CAPRIN2: variants seen among roughly 807,000 people sequenced by gnomAD.
CAPRIN2 encodes caprin family member 2.
CAPRIN2 carries 66 observed loss-of-function variants against 130.4 expected under a neutral mutation model. That is an observed-to-expected ratio of 0.51 (90% confidence interval 0.42 to 0.62). The LOEUF (loss-of-function observed/expected upper bound fraction) is 0.62. Among genes scored for constraint, CAPRIN2 ranks in the 20% least tolerant of loss-of-function variants. CAPRIN2 has a pLI of 0.00. For synonymous variants in CAPRIN2, 471 were observed against 444.1 expected (o/e 1.06, Z -0.76); for missense variants, 1,185 against 1,246.6 (o/e 0.95, Z 0.74).
chr12:30,709,888 T>G, exon 17 of CAPRIN2: 1 of 1,594,554 alleles, frequency 6.3e-7, no homozygotes, highest in East Asian at 2.2e-5. Context: ...TTATTGTCAA[T>G]ACTGTACTGA....
exon 17 of CAPRIN2, chr12:30,709,674 C>CA: frequency 2.1e-6 from 1 of 484,428 alleles, no homozygotes; most frequent in South Asian, 3.2e-5. Context: ...TATACATTCA[C>CA]AGCTTGACTA....
exon 17 of CAPRIN2, chr12:30,709,834 A>G (rs1413491435): frequency 1.6e-5 from 24 of 1,510,642 alleles, no homozygotes; most frequent in Non-Finnish European, 8.9e-7. Flanking sequence ...CATGAGGGCA[A>G]AGACTACTTT....
At chr12:30,731,481 ATTT>A in exon 6 of CAPRIN2, 1 of 1,613,002 alleles carries the variant, frequency 6.2e-7, no homozygotes, top group Non-Finnish European at 8.5e-7. Context: ...GAGTTCAGCA[ATTT>A]AGACAGTAGA....
rs367808785 is a variant in CAPRIN2, at chr12:30,724,367, T to C, written c.1987+3A>G. 9 of 1,594,834 alleles carry C rather than the reference T, an allele frequency of 5.6e-6. No homozygotes were observed. The African/African-American group carries it at 1.2e-4, about 21-fold the overall frequency. ...GCTCCAAGTCTTTAGAATGATTACA[T>C]ACCTACGGGGCTACCTGGAGTAGCT... On this transcript the variant is annotated splice_donor_region_variant and intron_variant, in intron 10 of 16. Coordinates refer to ENST00000298892, the Ensembl canonical transcript of CAPRIN2.
At chr12:30,720,972 T>C in intron 11 of CAPRIN2, 57 bp from the exon 13 acceptor site, 1 of 1,242,820 alleles carries the variant, frequency 8.0e-7, no homozygotes, top group Non-Finnish European at 1.2e-6. Context: ...ACTTTATATT[T>C]CTTGGGCCCT....
At chr12:30,731,655 A>G (rs1255402278) in intron 5 of CAPRIN2, 145 bp from the exon 7 acceptor site, 2 of 642,022 alleles carry the variant, frequency 3.1e-6, no homozygotes, top group Admixed American at 3.2e-5. Flanking sequence ...ATAGTTTACA[A>G]CAGTTTACAC....
At chr12:30,740,890 C>G in intron 3 of CAPRIN2, 130 bp downstream of exon 4, 1 of 608,954 alleles carries the variant, frequency 1.6e-6, no homozygotes, top group Non-Finnish European at 2.9e-6. Flanking sequence ...AACCTTCCAT[C>G]ACGATAAAAT....
Position 30,729,182 on chromosome 12 carries a change from T to G in CAPRIN2, c.1248A>C (p.Lys416Asn), listed in dbSNP as rs146064181. The G allele has an allele frequency of 3.3e-5, 54 of 1,613,952 alleles. No individual in the cohort carries two copies. The highest frequency in any genetic ancestry group is 4.3e-5 in the Non-Finnish European group (51 of 1,179,990). ...CCTCCCAGGACTTAAAGGACTCCTG[T>G]TTCTTCTCTTGACCATCTGGTTCAG... The change falls in exon 8 of 17, where the codon AAA becomes AAC. Residue 416 changes from lysine (K) to asparagine (N), a missense_variant. Coordinates refer to ENST00000298892, the Ensembl canonical transcript of CAPRIN2.
chr12:30,715,560 G>A (rs900073045), intron 13 of CAPRIN2: 22 of 398,752 alleles, frequency 5.5e-5, no homozygotes, highest in Non-Finnish European at 8.8e-5. Context: ...TTTCAGTTGG[G>A]GGGAGATGAA....
intron 2 of CAPRIN2, among the ~76,000 whole-genome samples, chr12:30,746,322 T>C (rs1360503687): frequency 2.6e-5 from 4 of 152,188 alleles, no homozygotes; most frequent in East Asian, 3.9e-4. Context: ...AGCCCAAGAG[T>C]TCAAGGCTAC....
intron 16 of CAPRIN2, 132 bp downstream of exon 18, chr12:30,711,434 T>C: frequency 1.4e-6 from 1 of 714,232 alleles, no homozygotes. Flanking sequence ...TAGTACTACA[T>C]TCAAGCAAAT....
chr12:30,711,201 T>C (rs2054381539), intron 16 of CAPRIN2, among the ~76,000 whole-genome samples: 1 of 152,208 alleles, frequency 6.6e-6, no homozygotes, highest in Non-Finnish European at 1.5e-5. Flanking sequence ...TGTGCTTATT[T>C]GAATCTATTA....
intron 3 of CAPRIN2, among the ~76,000 whole-genome samples, chr12:30,736,461 A>G (rs2064869970): frequency 6.6e-6 from 1 of 151,994 alleles, no homozygotes; most frequent in Non-Finnish European, 1.5e-5. Flanking sequence ...TATAGCATCG[A>G]TATTTTAAAT....
chr12:30,737,454 G>A (rs2065370693), intron 3 of CAPRIN2, among the ~76,000 whole-genome samples: 1 of 152,126 alleles, frequency 6.6e-6, no homozygotes, highest in African/African-American at 2.4e-5. Context: ...CAGGTGTCAT[G>A]AAAAGTCATG....
chr12:30,731,688 C>T (rs531259925), intron 5 of CAPRIN2, among the ~76,000 whole-genome samples, 178 bp from the exon 7 acceptor site: 4 of 152,160 alleles, frequency 2.6e-5, no homozygotes, highest in Admixed American at 2.6e-4. Flanking sequence ...GACTGGAGAA[C>T]TTGTCAGTAC....
intron 2 of CAPRIN2, among the ~76,000 whole-genome samples, chr12:30,745,732 ATT>A (rs2069809927): frequency 6.6e-6 from 1 of 152,126 alleles, no homozygotes; most frequent in Non-Finnish European, 1.5e-5. Flanking sequence ...AAGCAGAAAA[ATT>A]TTTAAAAAGT....
intron 2 of CAPRIN2, among the ~76,000 whole-genome samples, chr12:30,741,835 A>G (rs1046084639): frequency 1.3e-5 from 2 of 152,168 alleles, no homozygotes; most frequent in Non-Finnish European, 2.9e-5. Context: ...ACATGTCCAC[A>G]TAAAGACTTG....
intron 12 of CAPRIN2, chr12:30,720,501 C>A (rs1371415787): frequency 2.1e-5 from 4 of 187,312 alleles, no homozygotes; most frequent in Admixed American, 5.5e-5. Flanking sequence ...AGAGACTTTT[C>A]TCCTAAAAGT....
intron 6 of CAPRIN2, 139 bp from the exon 8 acceptor site, chr12:30,730,421 G>A: frequency 1.6e-6 from 1 of 638,724 alleles, no homozygotes; most frequent in Non-Finnish European, 2.8e-6. Flanking sequence ...TATATTGATG[G>A]CAAGAGGAAT....
Sources: gnomAD v4.1 joint callset for allele counts (sites outside exome capture counted in the v4.1 genomes callset) on GRCh38, gnomAD v4.1.1 for gene constraint, MANE v1.5 for transcripts, NCBI Gene and HGNC (gene_info 2026-07-23, HGNC 2026-07-21) for gene names.